Variants in ROBO2 observed in about 807,000 individuals in gnomAD.
ROBO2 encodes roundabout homolog 2.
ROBO2 carries 53 observed loss-of-function variants against 160.8 expected under a neutral mutation model. The observed-to-expected ratio is 0.33, with a 90% CI of 0.26 to 0.41. ROBO2 has a LOEUF of 0.41. Among genes scored for constraint, ROBO2 ranks in the 10% least tolerant of loss-of-function variants. The pLI, the probability that ROBO2 is intolerant of heterozygous loss-of-function variation, is 1.00. For synonymous variants in ROBO2, 664 were observed against 611.7 expected (o/e 1.09, Z -1.26); for missense variants, 1,577 against 1,722.4 (o/e 0.92, Z 1.49).
At chr3:77,008,129 T>G (rs1227373379) in intron 2 of ROBO2, among the ~76,000 whole-genome samples, 1 of 152,036 alleles carries the variant, frequency 6.6e-6, no homozygotes, top group African/African-American at 2.4e-5. Flanking sequence ...AATTATAAAA[T>G]CATTATGTTC....
chr3:76,826,227 T>A (rs765989496), intron 2 of ROBO2, among the ~76,000 whole-genome samples: 13 of 152,078 alleles, frequency 8.5e-5, no homozygotes, highest in Non-Finnish European at 1.5e-4. Context: ...AAATTTGAAA[T>A]CTTCAAGCAT....
chr3:76,380,358 G>T (rs1198819957), intron 2 of ROBO2, among the ~76,000 whole-genome samples: 1 of 152,114 alleles, frequency 6.6e-6, no homozygotes, highest in Non-Finnish European at 1.5e-5. Context: ...GAATAGAGAT[G>T]AATAAAATTT....
intron 2 of ROBO2, among the ~76,000 whole-genome samples, chr3:76,392,759 A>G (rs1401988376): frequency 6.6e-6 from 1 of 152,176 alleles, no homozygotes; most frequent in Admixed American, 6.5e-5. Flanking sequence ...ACCTGGTACC[A>G]TTTAAATCTA....
chr3:77,271,676 G>A (rs1261262183), intron 2 of ROBO2, among the ~76,000 whole-genome samples: 1 of 152,200 alleles, frequency 6.6e-6, no homozygotes, highest in East Asian at 1.9e-4. Context: ...AAAATCAAAA[G>A]TGAGAAAATT....
intron 2 of ROBO2, among the ~76,000 whole-genome samples, chr3:75,957,310 T>G (rs2107242201): frequency 6.6e-6 from 1 of 151,290 alleles, no homozygotes; most frequent in South Asian, 2.1e-4. Context: ...TTCCTATTAT[T>G]GAAATTCCTG....
intron 2 of ROBO2, among the ~76,000 whole-genome samples, chr3:76,943,098 G>C (rs1481597104): frequency 6.6e-6 from 1 of 152,146 alleles, no homozygotes; most frequent in Non-Finnish European, 1.5e-5. Context: ...TGGAGAGGTA[G>C]GAAATTTATT....
intron 2 of ROBO2, among the ~76,000 whole-genome samples, chr3:77,228,078 C>G (rs2086702482): frequency 6.6e-6 from 1 of 152,132 alleles, no homozygotes; most frequent in Non-Finnish European, 1.5e-5. Context: ...ATCAAGCATA[C>G]ACTAAGATGC....
At chr3:76,673,949 G>A (rs931605999) in intron 2 of ROBO2, among the ~76,000 whole-genome samples, 20 of 152,066 alleles carry the variant, frequency 1.3e-4, no homozygotes, top group African/African-American at 4.8e-4. Context: ...GAATGGATGA[G>A]TTGAAAATGT....
At chr3:75,991,663 C>T (rs981874996) in intron 2 of ROBO2, among the ~76,000 whole-genome samples, 3 of 151,536 alleles carry the variant, frequency 2.0e-5, no homozygotes, top group African/African-American at 7.3e-5. Context: ...TGAAAAGATA[C>T]CCCAAAATGT....
chr3:77,258,029 A>C (rs2058533735), intron 2 of ROBO2, among the ~76,000 whole-genome samples: 1 of 152,262 alleles, frequency 6.6e-6, no homozygotes, highest in South Asian at 2.1e-4. Flanking sequence ...CTATACTGGA[A>C]GTGTATGAAA....
At chr3:77,393,209 G>A (rs2074926221) in intron 2 of ROBO2, among the ~76,000 whole-genome samples, 2 of 151,960 alleles carry the variant, frequency 1.3e-5, no homozygotes, top group Middle Eastern at 3.2e-3. Flanking sequence ...TCTGCCTATA[G>A]AAATTGAATA....
chr3:76,466,027 GTGTA>G (rs2078344170), intron 2 of ROBO2, among the ~76,000 whole-genome samples: 1 of 150,226 alleles, frequency 6.7e-6, no homozygotes. Context: ...GTGTGTGTGT[GTGTA>G]TGTAAAATTG....
chr3:76,953,648 A>G (rs975900984), intron 2 of ROBO2, among the ~76,000 whole-genome samples: 1 of 152,186 alleles, frequency 6.6e-6, no homozygotes, highest in African/African-American at 2.4e-5. Flanking sequence ...ATTTCGGTCT[A>G]TATTTCTGGT....
At chr3:76,980,709 A>T (rs766801910) in intron 2 of ROBO2, among the ~76,000 whole-genome samples, 8 of 152,050 alleles carry the variant, frequency 5.3e-5, no homozygotes, top group Non-Finnish European at 1.2e-4. Flanking sequence ...GTGATAATTC[A>T]CATGCCAAAA....
At chr3:76,003,723 G>A (rs905864833) in intron 2 of ROBO2, among the ~76,000 whole-genome samples, 1 of 152,214 alleles carries the variant, frequency 6.6e-6, no homozygotes, top group Non-Finnish European at 1.5e-5. Context: ...TACAGGACCA[G>A]TGTTGGAATT....
chr3:76,364,828 T>G (rs938875680), intron 2 of ROBO2, among the ~76,000 whole-genome samples: 1 of 152,052 alleles, frequency 6.6e-6, no homozygotes, highest in East Asian at 1.9e-4. Flanking sequence ...ATATCTTTTT[T>G]AAAGAAATAG....
intron 2 of ROBO2, among the ~76,000 whole-genome samples, chr3:77,371,311 C>T (rs1351040126): frequency 6.6e-6 from 1 of 152,156 alleles, no homozygotes; most frequent in Non-Finnish European, 1.5e-5. Flanking sequence ...AAGTAGTGCT[C>T]TTTATAGGGT....
chr3:77,025,053 G>A (rs1315949770), intron 2 of ROBO2, among the ~76,000 whole-genome samples: 1 of 152,034 alleles, frequency 6.6e-6, no homozygotes, highest in African/African-American at 2.4e-5. Flanking sequence ...CTTAAAAAAG[G>A]CAGGAGACAA....
At chr3:77,123,442 A>G (rs80110778) in intron 2 of ROBO2, among the ~76,000 whole-genome samples, 9,107 of 152,152 alleles carry the variant, frequency 0.06, 361 homozygotes, top group Admixed American at 0.1. Context: ...TTAGAAAATA[A>G]TTGAGGTTGA....
Sources: gnomAD v4.1 joint callset for allele counts (sites outside exome capture counted in the v4.1 genomes callset) on GRCh38, gnomAD v4.1.1 for gene constraint, MANE v1.5 for transcripts, NCBI Gene and HGNC (gene_info 2026-07-23, HGNC 2026-07-21) for gene names.